PPP1R12A: variants seen among roughly 807,000 people sequenced by gnomAD.
The protein encoded by PPP1R12A is myosin binding subunit.
In PPP1R12A, 19 loss-of-function variants were observed where a neutral mutation model predicts 139.6. The ratio of observed to expected loss-of-function variants is 0.14; its 90% CI spans 0.09 to 0.20. The LOEUF is 0.20. Among genes scored for constraint, PPP1R12A ranks in the 10% least tolerant of loss-of-function variants. The pLI is 1.00. For synonymous variants in PPP1R12A, 427 were observed against 420.6 expected, an observed-to-expected ratio of 1.02 and a Z score of -0.19; for missense variants, 925 against 1,211.5, an observed-to-expected ratio of 0.76 and a Z score of 3.51.
At chr12:79,923,049 T>G (rs1383951719) in intron 1 of PPP1R12A, among the ~76,000 whole-genome samples, 2 of 151,954 alleles carry the variant, frequency 1.3e-5, no homozygotes, top group African/African-American at 4.8e-5. Flanking sequence ...CCGAGGTGGG[T>G]AGATCACCTG....
Position 79,923,130 on chromosome 12 carries a change from C to T in PPP1R12A, c.237+11565G>A, listed in dbSNP as rs371220402. 4.6e-5 allele frequency among the ~76,000 whole-genome samples: 7 copies of T among 152,050 alleles called. No homozygotes were observed. In the South Asian group the frequency reaches 1.2e-3, roughly 27 times the overall value. ...TCTTTACTAAAATACAAAAATTAGC[C>T]GGGCATGATGGCGGGTGCCTGTAAT... On this transcript the variant is annotated intron_variant, in intron 1 of 24. Coordinates refer to ENST00000450142, the MANE Select transcript of PPP1R12A (RefSeq NM_002480.3).
At chr12:79,882,702 A>G (rs1438059251) in intron 1 of PPP1R12A, among the ~76,000 whole-genome samples, 1 of 152,220 alleles carries the variant, frequency 6.6e-6, no homozygotes. Context: ...GCTATCAAAC[A>G]GCATCATATA....
At chr12:79,858,829 G>A (rs1880978825) in intron 2 of PPP1R12A, among the ~76,000 whole-genome samples, 1 of 152,178 alleles carries the variant, frequency 6.6e-6, no homozygotes, top group African/African-American at 2.4e-5. Flanking sequence ...GATGGAGTCA[G>A]AGAGGTGACA....
At position 79,828,325 on chromosome 12, in the gene PPP1R12A, T is replaced by C; in HGVS notation, c.787A>G (p.Lys263Glu). The C allele has an allele frequency of 6.2e-7, 1 of 1,608,064 alleles. No homozygotes were observed. Among genetic ancestry groups the C allele is most frequent in the Non-Finnish European group, 8.5e-7 (1 of 1,176,668 alleles). Residue 263 changes from lysine (K) to glutamate (E), a missense_variant, in exon 5 of 25, where the codon AAA becomes GAA. Physicochemically the swap from Lys to Glu is moderately conservative, Grantham distance 56 (BLOSUM62 1). Transcript: ENST00000450142. ...AATACGTTTAAAACGCCTACCACTT[T>C]GTTGACCATCTCCATATCACACAGA... ...DNLCDMEMVN[K>E]VGQTAFDVAD...
chr12:79,928,586 A>C (rs984584415), intron 1 of PPP1R12A, among the ~76,000 whole-genome samples: 11 of 152,250 alleles, frequency 7.2e-5, no homozygotes, highest in African/African-American at 2.7e-4. Context: ...ACATTCTTTT[A>C]GACACAAATT....
chr12:79,902,156 A>AT (rs1316270180), intron 1 of PPP1R12A, among the ~76,000 whole-genome samples: 1 of 152,212 alleles, frequency 6.6e-6, no homozygotes, highest in Non-Finnish European at 1.5e-5. Flanking sequence ...ACTACTTCAT[A>AT]TATCTCCAAT....
chr12:79,809,877 C>T lies in PPP1R12A; in HGVS notation c.1373G>A (p.Gly458Asp). The change falls in exon 10 of 25, where the codon GGT (glycine) becomes GAT (aspartate). Residue 458 changes from glycine (G) to aspartate (D), a missense_variant. Physicochemically the swap from Gly to Asp is moderately conservative, Grantham distance 94. Around this residue, in one of 4 missense-constraint regions of PPP1R12A, gnomAD observed 403 missense variants for 463.7 expected, o/e 0.87. Transcript: ENST00000450142. ...ACCTGCAGTATCTTTTTCTTTCTGA[C>T]CCTCTTTAGATGCTGTGATTTCAGC... is the stretch of plus-strand genomic sequence containing the variant. ...ALAEITASKE[G>D]QKEKDTAGVT... 1 of 1,613,544 alleles carries T rather than the reference C, an allele frequency of 6.2e-7. No individual in the cohort carries two copies. Among genetic ancestry groups the T allele is most frequent in the Non-Finnish European group, 8.5e-7 (1 of 1,179,708 alleles).
At chr12:79,934,506 G>A (rs1203063818) in intron 1 of PPP1R12A, among the ~76,000 whole-genome samples, 189 bp downstream of exon 1, 6 of 152,182 alleles carry the variant, frequency 3.9e-5, no homozygotes, top group African/African-American at 9.6e-5. Flanking sequence ...CTGAAGGGGG[G>A]CCTCAAGCCC....
At chr12:79,828,171 CAGTT>C (rs1877018464) in intron 5 of PPP1R12A, 145 bp downstream of exon 5, 2 of 633,768 alleles carry the variant, frequency 3.2e-6, no homozygotes, top group South Asian at 4.6e-5. Flanking sequence ...ATTAGTAAGT[CAGTT>C]GGCTGAAAAA....
chr12:79,914,067 A>G (rs745368689), intron 1 of PPP1R12A, among the ~76,000 whole-genome samples: 9 of 152,192 alleles, frequency 5.9e-5, no homozygotes, highest in Non-Finnish European at 1.3e-4. Flanking sequence ...TATTTTTCAT[A>G]AGCATAATAT....
At chr12:79,923,645 T>A (rs1475027674) in intron 1 of PPP1R12A, among the ~76,000 whole-genome samples, 1 of 152,260 alleles carries the variant, frequency 6.6e-6, no homozygotes, top group Non-Finnish European at 1.5e-5. Context: ...CATTTGTCTT[T>A]AGTGTTTTAA....
At position 79,773,598 on chromosome 12, in the gene PPP1R12A, T is replaced by C. The variant is rs1869466701; in HGVS notation, c.*2331A>G. ...CATACAGACAGCTTTATGTAAAATATATAAACATTTGTCCAAATTGGTACA... is the reference window on the plus strand; with the variant it reads ...CATACAGACAGCTTTATGTAAAATACATAAACATTTGTCCAAATTGGTACA... On this transcript the variant is annotated 3_prime_UTR_variant, in exon 25 of 25. Transcript: ENST00000450142. The C allele has an allele frequency of 6.6e-6, 1 of 152,188 alleles. No individual in the cohort carries two copies. Among genetic ancestry groups the C allele is most frequent in the Non-Finnish European group, 1.5e-5 (1 of 68,022 alleles). The allele number at this position is 152,188 out of a possible 1,614,324, so 9.4% of individuals were successfully genotyped here.
At chr12:79,786,593 AG>A in intron 21 of PPP1R12A, 115 bp from the exon 22 acceptor site, 1 of 602,368 alleles carries the variant, frequency 1.7e-6, no homozygotes, top group Admixed American at 4.0e-5. Flanking sequence ...TGAGCTATAA[AG>A]GATACATTTA....
intron 1 of PPP1R12A, among the ~76,000 whole-genome samples, chr12:79,891,611 A>C (rs1592780180): frequency 6.6e-6 from 1 of 152,230 alleles, no homozygotes; most frequent in East Asian, 1.9e-4. Flanking sequence ...CATGGTAGTC[A>C]CACACTTGTG....
chr12:79,783,477 A>T (rs1255629962), intron 22 of PPP1R12A, among the ~76,000 whole-genome samples: 1 of 152,118 alleles, frequency 6.6e-6, no homozygotes, highest in Non-Finnish European at 1.5e-5. Context: ...CCATTAAAAA[A>T]AATAATAATT....
intron 1 of PPP1R12A, among the ~76,000 whole-genome samples, chr12:79,923,244 A>C (rs969309573): frequency 1.4e-4 from 22 of 152,358 alleles, no homozygotes; most frequent in Admixed American, 1.3e-3. Context: ...CCTGCACTCC[A>C]GCCTGAGCTG....
chr12:79,904,453 C>T (rs1263603222), intron 1 of PPP1R12A, among the ~76,000 whole-genome samples: 1 of 152,072 alleles, frequency 6.6e-6, no homozygotes, highest in African/African-American at 2.4e-5. Context: ...CAAATATTAC[C>T]TCCCTTTTCC....
At chr12:79,905,339 G>GT (rs1555244683) in intron 1 of PPP1R12A, among the ~76,000 whole-genome samples, 1 of 106,050 alleles carries the variant, frequency 9.4e-6, no homozygotes, top group Admixed American at 1.2e-4. Flanking sequence ...TTGTTTTGCC[G>GT]CCCCCCCCCA....
chr12:79,821,444 G>A (rs1876086831), intron 6 of PPP1R12A, among the ~76,000 whole-genome samples: 1 of 152,044 alleles, frequency 6.6e-6, no homozygotes, highest in Non-Finnish European at 1.5e-5. Context: ...GGCTGGCTGA[G>A]GATATTTTAC....
Sources: allele counts gnomAD v4.1 joint callset (sites outside exome capture counted in the v4.1 genomes callset), GRCh38; gene constraint gnomAD v4.1.1; regional missense constraint gnomAD v4.1.1; transcripts MANE v1.5; gene names NCBI Gene and HGNC (gene_info 2026-07-23, HGNC 2026-07-21).